The following PDE4DIP variants were observed in gnomAD, a reference collection of about 807,000 sequenced individuals.
PDE4DIP encodes myomegalin.
PDE4DIP carries 59 observed loss-of-function variants against 221.4 expected under a neutral mutation model. The ratio of observed to expected loss-of-function variants is 0.27; its 90% CI spans 0.22 to 0.33. The LOEUF is 0.33. PDE4DIP is among the 10% of genes least tolerant of loss of function. PDE4DIP has a pLI of 1.00. For missense variants in PDE4DIP, 1,036 were observed against 2,154.2 expected (o/e 0.48, Z 10.28); for synonymous variants, 404 against 815.9 (o/e 0.50, Z 8.60).
chr1:148,879,703 G>GA (rs1388470297), intron 3 of PDE4DIP, among the ~76,000 whole-genome samples: 1 of 142,822 alleles, frequency 7.0e-6, no homozygotes, highest in Non-Finnish European at 1.5e-5. Flanking sequence ...TTCACTCCTA[G>GA]AAAAAAATGG....
chr1:148,995,896 G>C (rs1298550374), intron 22 of PDE4DIP, among the ~76,000 whole-genome samples: 953 of 143,604 alleles, frequency 6.6e-3, no homozygotes, highest in African/African-American at 0.024. Context: ...AATAAAAAAA[G>C]AAATAAAAAA....
At position 148,960,639 on chromosome 1, in the gene PDE4DIP, G is replaced by GCCGTTTCTTCCTTT; in HGVS notation, c.637-3_637-2insTTCCGTTTCTTCCT. ...ATGTTTAACTCACCTTACTCGTTTTGCCGTTTCTTCCTAGCCCATGACTGA... is the reference window on the plus strand; with the variant it reads ...ATGTTTAACTCACCTTACTCGTTTTGCCGTTTCTTCCTTTCCGTTTCTTCCTAGCCCATGACTGA... On this transcript the variant is annotated splice_polypyrimidine_tract_variant and intron_variant, in intron 5 of 43. Coordinates refer to ENST00000369354, the Ensembl canonical transcript of PDE4DIP. 2.6e-6 allele frequency: 1 copy of GCCGTTTCTTCCTTT among 386,132 alleles called. No homozygotes were observed. The highest frequency in any genetic ancestry group is 4.3e-6 in the Non-Finnish European group (1 of 231,386). The allele number at this position is 386,132 out of a possible 1,614,324, so 23.9% of individuals were successfully genotyped here.
intron 20 of PDE4DIP, 141 bp from the exon 24 acceptor site, chr1:148,981,129 T>C: frequency 1.4e-6 from 1 of 739,482 alleles, no homozygotes; most frequent in Non-Finnish European, 2.3e-6. Flanking sequence ...AAAGACTACA[T>C]TCATTTATTG....
chr1:148,980,459 T>C (rs1237103943), intron 20 of PDE4DIP, among the ~76,000 whole-genome samples: 1 of 152,182 alleles, frequency 6.6e-6, no homozygotes, highest in Non-Finnish European at 1.5e-5. Flanking sequence ...AAAGAAAATA[T>C]ATTAATTGGG....
chr1:148,944,095 T>G (rs1298432160), intron 5 of PDE4DIP, among the ~76,000 whole-genome samples: 1 of 152,232 alleles, frequency 6.6e-6, no homozygotes, highest in Non-Finnish European at 1.5e-5. Context: ...GTTCCTTTTC[T>G]TAAGTAGCTT....
At chr1:148,991,796 A>C in intron 21 of PDE4DIP, 89 bp from the exon 25 acceptor site, 2 of 677,332 alleles carry the variant, frequency 3.0e-6, no homozygotes, top group Non-Finnish European at 5.1e-6. Flanking sequence ...AAGAAATCAG[A>C]GTCAGCGGGC....
At chr1:148,927,640 A>G (rs1413553494) in intron 1 of PDE4DIP, among the ~76,000 whole-genome samples, 4 of 151,704 alleles carry the variant, frequency 2.6e-5, no homozygotes, top group African/African-American at 9.7e-5. Flanking sequence ...AGTACCCACA[A>G]TACTACTTTT....
Position 148,985,323 on chromosome 1 carries a change from T to A in PDE4DIP, c.2815+3926T>A, listed in dbSNP as rs1298946311. 2.0e-5 allele frequency: 3 copies of A among 152,136 alleles called. No individual in the cohort carries two copies. In the East Asian group the frequency reaches 5.8e-4, roughly 29 times the overall value. 9.4% of individuals were successfully genotyped at this position (152,136 alleles called of 1,614,324 possible). The stretch of plus-strand genomic sequence containing the variant: ...CAGTAGGATAATATATTCGAGTGAT[T>A]TCTGTATATTTCAGTTATAATGTTT... On this transcript the variant is annotated intron_variant, in intron 21 of 43. Coordinates refer to ENST00000369354, the Ensembl canonical transcript of PDE4DIP.
At chr1:148,937,655 C>A in intron 4 of PDE4DIP, 92 bp from the exon 8 acceptor site, 1 of 670,394 alleles carries the variant, frequency 1.5e-6, no homozygotes, top group East Asian at 2.5e-5. Flanking sequence ...ACCTGCTATA[C>A]TAGACCATGC....
chr1:148,813,715 A>G (rs1279800615), intron 1 of PDE4DIP, among the ~76,000 whole-genome samples: 2 of 94,946 alleles, frequency 2.1e-5, no homozygotes, highest in Admixed American at 9.3e-5. Flanking sequence ...ATTTAGGCCT[A>G]TGATCCATTT....
exon 5 of PDE4DIP, chr1:148,937,856 G>A (rs782396520): frequency 7.0e-6 from 6 of 857,496 alleles, no homozygotes; most frequent in South Asian, 6.8e-5. Flanking sequence ...AACTAGCATG[G>A]AAGTGCAGGT....
intron 22 of PDE4DIP, chr1:148,992,293 A>G (rs1162480628): frequency 6.3e-7 from 1 of 1,589,412 alleles, no homozygotes; most frequent in Non-Finnish European, 8.6e-7. Context: ...AAGACGATGG[A>G]CACATTCCCC....
intron 5 of PDE4DIP, among the ~76,000 whole-genome samples, chr1:148,958,256 C>T (rs2055888579): frequency 6.7e-6 from 1 of 149,008 alleles, no homozygotes; most frequent in Non-Finnish European, 1.5e-5. Context: ...TTTATTTCCC[C>T]CTCCCTTTAC....
chr1:148,978,533 T>A, intron 19 of PDE4DIP, 118 bp downstream of exon 22: 1 of 650,012 alleles, frequency 1.5e-6, no homozygotes, highest in Non-Finnish European at 2.6e-6. Context: ...AACTCCTGAC[T>A]GCAAGTGATC....
At chr1:149,022,934 G>A (rs1416403146) in intron 37 of PDE4DIP, among the ~76,000 whole-genome samples, 3 of 152,162 alleles carry the variant, frequency 2.0e-5, no homozygotes, top group Non-Finnish European at 4.4e-5. Flanking sequence ...AGATGAAAGG[G>A]TATAGATAGA....
chr1:148,865,192 A>G (rs1190583638), intron 2 of PDE4DIP, among the ~76,000 whole-genome samples: 5 of 135,654 alleles, frequency 3.7e-5, no homozygotes, highest in African/African-American at 1.5e-4. Context: ...AGGTTCAAGC[A>G]ATTCTCCTGC....
intron 3 of PDE4DIP, among the ~76,000 whole-genome samples, chr1:148,876,974 T>A (rs1352362563): frequency 9.1e-5 from 13 of 142,642 alleles, no homozygotes; most frequent in Admixed American, 8.1e-4. Flanking sequence ...AGATTGCCAC[T>A]GTACTCCAGC....
chr1:149,021,247 A>C (rs1238098989), intron 37 of PDE4DIP, 94 bp downstream of exon 40: 1 of 782,726 alleles, frequency 1.3e-6, no homozygotes, highest in Non-Finnish European at 2.1e-6. Flanking sequence ...GATCATGGGA[A>C]GCTACAGAGT....
At chr1:148,969,801 G>A (rs1260960421) in intron 14 of PDE4DIP, among the ~76,000 whole-genome samples, 2 of 151,534 alleles carry the variant, frequency 1.3e-5, no homozygotes, top group Non-Finnish European at 2.9e-5. Context: ...CTGCCTCCTG[G>A]GTTCAAGCAA....
Sources: allele counts gnomAD v4.1 joint callset (sites outside exome capture counted in the v4.1 genomes callset), GRCh38; gene constraint gnomAD v4.1.1; transcripts MANE v1.5; gene names NCBI Gene and HGNC (gene_info 2026-07-23, HGNC 2026-07-21).